The following C12orf42 variants were observed in gnomAD, a reference collection of about 807,000 sequenced individuals.
C12orf42 encodes the protein uncharacterized protein C12orf42.
In C12orf42, 25 loss-of-function variants were observed where a neutral mutation model predicts 21.6. The observed-to-expected ratio is 1.16, with a 90% CI of 0.84 to 1.62. The LOEUF (loss-of-function observed/expected upper bound fraction) is 1.62, where lower values mean the gene tolerates loss of function less well. Ranked by LOEUF, C12orf42 falls within the 40% of genes most tolerant of loss-of-function variation. The probability of loss-of-function intolerance (pLI) is 0.00; values close to 1 mark genes in which losing one functional copy is unlikely to be tolerated. For synonymous variants in C12orf42, 174 were observed against 175.0 expected, an observed-to-expected ratio of 0.99 and a Z score of 0.05; for missense variants, 483 against 459.3, an observed-to-expected ratio of 1.05 and a Z score of -0.47.
chr12:103,262,665 G>A (rs1436216272), intron 10 of C12orf42, among the ~76,000 whole-genome samples: 1 of 152,156 alleles, frequency 6.6e-6, no homozygotes, highest in Non-Finnish European at 1.5e-5. Context: ...AGATGCTGGA[G>A]AGGATGTGGA....
chr12:103,198,270 T>G, the C12orf42 span, among the ~76,000 whole-genome samples: 3 of 152,290 alleles, frequency 2.0e-5, no homozygotes, highest in East Asian at 5.8e-4. Flanking sequence ...AGAAGCTCTT[T>G]GACAGATAGG....
the C12orf42 span, among the ~76,000 whole-genome samples, chr12:103,216,483 G>C: frequency 6.6e-6 from 1 of 151,066 alleles, no homozygotes; most frequent in African/African-American, 2.4e-5. Context: ...CCATTCTCCT[G>C]CCTCAGCCTC....
chr12:103,198,215 A>G, the C12orf42 span, among the ~76,000 whole-genome samples: 31 of 152,284 alleles, frequency 2.0e-4, no homozygotes, highest in African/African-American at 3.6e-4. Flanking sequence ...GTGCCAGCAA[A>G]ACAGAGGGAG....
At chr12:103,377,433 T>C (rs1290237651) in intron 3 of C12orf42, among the ~76,000 whole-genome samples, 1 of 151,940 alleles carries the variant, frequency 6.6e-6, no homozygotes, top group Non-Finnish European at 1.5e-5. Flanking sequence ...TCCCTCACCG[T>C]CAGAATGGGA....
chr12:103,291,756 A>G (rs376964907), intron 4 of C12orf42, among the ~76,000 whole-genome samples: 2 of 152,286 alleles, frequency 1.3e-5, no homozygotes, highest in Admixed American at 6.5e-5. Context: ...TATTGTAATT[A>G]GCGTATAATG....
At chr12:103,066,914 A>G in the C12orf42 span, among the ~76,000 whole-genome samples, 1 of 152,158 alleles carries the variant, frequency 6.6e-6, no homozygotes, top group Non-Finnish European at 1.5e-5. Flanking sequence ...TCTTTACCCA[A>G]TCACCCCTAT....
At chr12:103,085,751 C>T in the C12orf42 span, among the ~76,000 whole-genome samples, 1 of 152,096 alleles carries the variant, frequency 6.6e-6, no homozygotes, top group Admixed American at 6.6e-5. Flanking sequence ...CTCTTACTTT[C>T]CCCCTCCCTT....
the C12orf42 span, among the ~76,000 whole-genome samples, chr12:103,135,167 G>T: frequency 6.6e-6 from 1 of 152,048 alleles, no homozygotes; most frequent in Non-Finnish European, 1.5e-5. Context: ...AATTAAGAAA[G>T]AGAAAGGCTG....
At chr12:103,563,196 C>G in the C12orf42 span, among the ~76,000 whole-genome samples, 1 of 152,208 alleles carries the variant, frequency 6.6e-6, no homozygotes, top group African/African-American at 2.4e-5. Context: ...TGAATCATCT[C>G]TAAGTGCATC....
chr12:103,487,259 G>A (rs1304657871), intron 1 of C12orf42, among the ~76,000 whole-genome samples: 1 of 152,184 alleles, frequency 6.6e-6, no homozygotes, highest in Non-Finnish European at 1.5e-5. Flanking sequence ...ATGTAGTTGT[G>A]CAGTTTTGAG....
chr12:103,549,915 G>T, the C12orf42 span, among the ~76,000 whole-genome samples: 2 of 152,102 alleles, frequency 1.3e-5, no homozygotes, highest in East Asian at 3.9e-4. Flanking sequence ...CTCATGTGCT[G>T]CTGACAGCCT....
At chr12:103,440,639 AC>A (rs1269117501) in intron 2 of C12orf42, among the ~76,000 whole-genome samples, 1 of 152,056 alleles carries the variant, frequency 6.6e-6, no homozygotes, top group East Asian at 1.9e-4. Context: ...GTGCTTTTAG[AC>A]CCATTTTGCA....
At chr12:103,172,657 G>A in the C12orf42 span, among the ~76,000 whole-genome samples, 17 of 152,186 alleles carry the variant, frequency 1.1e-4, no homozygotes, top group African/African-American at 3.1e-4. Context: ...AAAGTCCTCT[G>A]CTGACATCAC....
downstream of C12orf42, among the ~76,000 whole-genome samples, chr12:103,233,306 C>T (rs9919808): frequency 0.088 from 13,312 of 152,062 alleles, 595 homozygotes; most frequent in East Asian, 0.15. Flanking sequence ...GGCTATTTTG[C>T]GTTTTTTGCC....
At chr12:103,318,133 C>G (rs1446940195) in intron 4 of C12orf42, among the ~76,000 whole-genome samples, 1 of 152,080 alleles carries the variant, frequency 6.6e-6, no homozygotes, top group Non-Finnish European at 1.5e-5. Context: ...ACAAAAATTA[C>G]AAAAAGCTAG....
chr12:103,177,882 C>T, the C12orf42 span, among the ~76,000 whole-genome samples: 5 of 151,226 alleles, frequency 3.3e-5, no homozygotes, highest in Admixed American at 6.6e-5. Flanking sequence ...TGTGCGCGCG[C>T]GCTAACAGCA....
At chr12:103,533,733 A>T in the C12orf42 span, among the ~76,000 whole-genome samples, 1 of 152,372 alleles carries the variant, frequency 6.6e-6, no homozygotes, top group South Asian at 2.1e-4. Flanking sequence ...ACAAATTTTC[A>T]AATCACAGAA....
chr12:103,135,225 C>G, the C12orf42 span, among the ~76,000 whole-genome samples: 1 of 152,086 alleles, frequency 6.6e-6, no homozygotes, highest in African/African-American at 2.4e-5. Context: ...AAGATAGACG[C>G]AGGTGGATCA....
intron 4 of C12orf42, among the ~76,000 whole-genome samples, chr12:103,348,034 T>C (rs2042783859): frequency 1.3e-5 from 2 of 152,184 alleles, no homozygotes; most frequent in African/African-American, 4.8e-5. Flanking sequence ...ATAATAACTA[T>C]TCACAGGGAG....
Sources: allele counts gnomAD v4.1 joint callset (sites outside exome capture counted in the v4.1 genomes callset), GRCh38; gene constraint gnomAD v4.1.1; transcripts MANE v1.5; gene names NCBI Gene and HGNC (gene_info 2026-07-23, HGNC 2026-07-21).